The following KCNQ5 variants were observed in gnomAD, a reference collection of about 807,000 sequenced individuals.
KCNQ5 encodes potassium voltage-gated channel subfamily KQT member 5.
In KCNQ5, 30 loss-of-function variants were observed where a neutral mutation model predicts 98.2. The ratio of observed to expected loss-of-function variants is 0.31; its 90% CI spans 0.23 to 0.41. The LOEUF is 0.41. Ranked by LOEUF, KCNQ5 falls within the 10% of genes least tolerant of loss-of-function variation. The probability of loss-of-function intolerance (pLI) is 1.00; values close to 1 mark genes in which losing one functional copy is unlikely to be tolerated. For missense variants in KCNQ5, 835 were observed against 1,182.5 expected, an observed-to-expected ratio of 0.71 and a Z score of 4.31; for synonymous variants, 458 against 449.4, an observed-to-expected ratio of 1.02 and a Z score of -0.24.
intron 1 of KCNQ5, among the ~76,000 whole-genome samples, chr6:72,938,720 G>A (rs2150236769): frequency 6.6e-6 from 1 of 152,168 alleles, no homozygotes; most frequent in African/African-American, 2.4e-5. Flanking sequence ...TTTATGATAT[G>A]TATATTATAC....
At chr6:73,055,093 C>CA in intron 3 of KCNQ5, 2 of 722,114 alleles carry the variant, frequency 2.8e-6, no homozygotes, top group South Asian at 2.8e-5. Flanking sequence ...CCAAGCCTGC[C>CA]ACCATGGCCA....
chr6:72,721,818 CTGTGTGAACCTTATGGCTG>C (rs1194174678), intron 1 of KCNQ5, among the ~76,000 whole-genome samples: 3 of 152,296 alleles, frequency 2.0e-5, no homozygotes. Context: ...GGCTATCAGG[CTGTGTGAACCTTATGGCTG>C]TCCTACCTTA....
chr6:73,181,960 A>C (rs745665572), intron 11 of KCNQ5, among the ~76,000 whole-genome samples: 10 of 152,222 alleles, frequency 6.6e-5, no homozygotes, highest in Non-Finnish European at 1.3e-4. Flanking sequence ...AAAGGTCCTA[A>C]TTTAACTCTA....
intron 3 of KCNQ5, among the ~76,000 whole-genome samples, chr6:73,049,059 C>A (rs1324349122): frequency 1.3e-5 from 2 of 152,132 alleles, no homozygotes; most frequent in Non-Finnish European, 2.9e-5. Context: ...GTGGTGCCTG[C>A]AATTTGCCAG....
chr6:73,075,245 A>G (rs1173581776), intron 3 of KCNQ5, among the ~76,000 whole-genome samples: 5 of 145,458 alleles, frequency 3.4e-5, no homozygotes, highest in African/African-American at 5.1e-5. Flanking sequence ...TTTTTTTGAG[A>G]CGCAGTCTTG....
intron 10 of KCNQ5, among the ~76,000 whole-genome samples, chr6:73,168,565 T>C (rs1470242131): frequency 6.6e-6 from 1 of 152,106 alleles, no homozygotes; most frequent in Non-Finnish European, 1.5e-5. Context: ...TGGCTGAGTG[T>C]GGTGGTGCGG....
At chr6:73,092,957 T>G (rs1162249137) in intron 5 of KCNQ5, among the ~76,000 whole-genome samples, 1 of 152,110 alleles carries the variant, frequency 6.6e-6, no homozygotes, top group East Asian at 1.9e-4. Flanking sequence ...CTTCTTTATC[T>G]TGTGGAATAG....
chr6:72,721,608 A>G, intron 1 of KCNQ5, among the ~76,000 whole-genome samples: 1 of 152,182 alleles, frequency 6.6e-6, no homozygotes, highest in South Asian at 2.1e-4. Context: ...TAAATACTGT[A>G]TCTTCATCAC....
chr6:72,873,625 AG>A (rs938817647), intron 1 of KCNQ5, among the ~76,000 whole-genome samples: 1 of 152,108 alleles, frequency 6.6e-6, no homozygotes, highest in Non-Finnish European at 1.5e-5. Context: ...GGCTTAGAAG[AG>A]CCTAACTGTA....
rs142867844 is a variant in KCNQ5 at position 73,194,727 on chromosome 6, G to C, written c.2112G>C (p.Ala704=). The change falls in exon 14 of 14, where the codon GCG becomes GCC. Residue 704 remains alanine (A), a synonymous_variant. Transcript: ENST00000370398. Reference sequence around the variant, plus strand: ...AGTTCAGTGCCCAGACTTTCTACGCGCTTAGCCCTACTATGCACAGTCAAG... The same window carrying C: ...AGTTCAGTGCCCAGACTTTCTACGCCCTTAGCCCTACTATGCACAGTCAAG... The part of the protein sequence containing the change: ...PNEFSAQTFY[A]LSPTMHSQAT... 6 of 1,614,078 alleles carry C rather than the reference G, an allele frequency of 3.7e-6. No homozygotes were observed. In the African/African-American group the frequency reaches 8.0e-5, roughly 22 times the overall value.
At chr6:72,647,460 C>A (rs1055226273) in intron 1 of KCNQ5, among the ~76,000 whole-genome samples, 19 of 134,424 alleles carry the variant, frequency 1.4e-4, no homozygotes, top group Admixed American at 3.0e-4. Flanking sequence ...CAAAACAAAA[C>A]GAAAAAAAAA....
intron 8 of KCNQ5, 74 bp from the exon 9 acceptor site, chr6:73,124,412 T>C: frequency 7.5e-7 from 1 of 1,332,642 alleles, no homozygotes; most frequent in East Asian, 2.3e-5. Context: ...AATCTCCAAT[T>C]TGGCCATTAT....
intron 1 of KCNQ5, among the ~76,000 whole-genome samples, chr6:72,919,228 A>C (rs551115045): frequency 6.6e-6 from 1 of 152,306 alleles, no homozygotes; most frequent in South Asian, 2.1e-4. Flanking sequence ...GCAGGCAAAA[A>C]ATAAATCAGA....
intron 1 of KCNQ5, among the ~76,000 whole-genome samples, chr6:72,670,156 G>A (rs1767028332): frequency 6.6e-6 from 1 of 152,090 alleles, no homozygotes; most frequent in South Asian, 2.1e-4. Context: ...TTTATAACAA[G>A]GATCAACTTT....
rs889723978 is a variant in KCNQ5, at chr6:72,622,234, G to C, written c.45G>C (p.Gly15=). ...HAGGEEGGAA[G]LWVKSGAAAA... ...GAGGAGAGGAGGGCGGCGCCGCCGG[G>C]CTCTGGGTGAAGAGCGGCGCAGCGG... The change falls in exon 1 of 14, where the codon GGG becomes GGC. Residue 15 remains glycine, a synonymous_variant. Transcript: ENST00000370398. The surrounding 1 kb of genome is among the most constrained non-coding windows in gnomAD (Gnocchi z 6.0). The C allele has an allele frequency of 5.6e-6, 7 of 1,243,968 alleles. No homozygotes were observed. Among genetic ancestry groups the C allele is most frequent in the Non-Finnish European group, 7.0e-6 (7 of 996,508 alleles). 77.1% of individuals were successfully genotyped at this position (1,243,968 alleles called of 1,614,324 possible). A position where few individuals can be genotyped will look rare whatever the true frequency, so the allele number is the denominator to read the frequency against.
chr6:72,751,965 G>A (rs947497106), intron 1 of KCNQ5, among the ~76,000 whole-genome samples: 1 of 152,104 alleles, frequency 6.6e-6, no homozygotes, highest in African/African-American at 2.4e-5. Flanking sequence ...GTAAATGGTG[G>A]TGATAGGATT....
chr6:73,047,675 A>T (rs773683296), intron 3 of KCNQ5, among the ~76,000 whole-genome samples: 1 of 152,244 alleles, frequency 6.6e-6, no homozygotes, highest in South Asian at 2.1e-4. Flanking sequence ...AACATTCTGT[A>T]CTATCACATG....
chr6:73,123,319 T>C (rs1018021132), intron 8 of KCNQ5, among the ~76,000 whole-genome samples: 1 of 152,124 alleles, frequency 6.6e-6, no homozygotes, highest in African/African-American at 2.4e-5. Context: ...GGAAGATCAA[T>C]TTATCAACAA....
chr6:73,036,385 CAAAAAAAAAA>C (rs70994156), intron 2 of KCNQ5, among the ~76,000 whole-genome samples: 8 of 78,544 alleles, frequency 1.0e-4, no homozygotes, highest in African/African-American at 6.1e-5. Context: ...GACTCTGTCT[CAAAAAAAAAA>C]AAAAAAAAAA....
Sources: allele counts gnomAD v4.1 joint callset (sites outside exome capture counted in the v4.1 genomes callset), GRCh38; gene constraint gnomAD v4.1.1; non-coding constraint Gnocchi (gnomAD v3.1); transcripts MANE v1.5; gene names NCBI Gene and HGNC (gene_info 2026-07-23, HGNC 2026-07-21).